Variants in TRERF1 observed in about 807,000 individuals in gnomAD.
TRERF1 encodes transcriptional-regulating factor 1.
Under a neutral mutation model 122.9 loss-of-function variants are expected in TRERF1, and 27 were observed. That is an observed-to-expected ratio of 0.22 (90% CI 0.16 to 0.30). The LOEUF (loss-of-function observed/expected upper bound fraction) is 0.30. Ranked by LOEUF, TRERF1 falls within the 10% of genes least tolerant of loss-of-function variation. TRERF1 has a pLI of 1.00. For missense variants in TRERF1, 1,248 were observed against 1,560.3 expected (o/e 0.80, Z 3.37); for synonymous variants, 636 against 641.7 (o/e 0.99, Z 0.13).
At chr6:42,367,300 G>A (rs1772924540) in intron 2 of TRERF1, among the ~76,000 whole-genome samples, 1 of 152,114 alleles carries the variant, frequency 6.6e-6, no homozygotes, top group South Asian at 2.1e-4. Flanking sequence ...CCAGCAAGAA[G>A]GTTTGCAAAG....
At chr6:42,375,982 T>C (rs1295743400) in intron 2 of TRERF1, among the ~76,000 whole-genome samples, 1 of 152,140 alleles carries the variant, frequency 6.6e-6, no homozygotes, top group African/African-American at 2.4e-5. Context: ...CCTGGCAGCC[T>C]CACAAGTCAC....
chr6:42,338,868 A>T (rs1259564750), intron 3 of TRERF1, among the ~76,000 whole-genome samples: 4 of 152,088 alleles, frequency 2.6e-5, no homozygotes, highest in Non-Finnish European at 5.9e-5. Flanking sequence ...GTGGTGACTC[A>T]ATGTATATTT....
At chr6:42,377,889 C>T (rs895090863) in intron 2 of TRERF1, among the ~76,000 whole-genome samples, 2 of 152,240 alleles carry the variant, frequency 1.3e-5, no homozygotes, top group Non-Finnish European at 2.9e-5. Context: ...GCTTTAGGAA[C>T]ATGCAGCCCG....
intron 3 of TRERF1, among the ~76,000 whole-genome samples, chr6:42,340,861 A>T (rs1767159015): frequency 6.6e-6 from 1 of 152,206 alleles, no homozygotes; most frequent in South Asian, 2.1e-4. Flanking sequence ...TCTCTGATGG[A>T]GGAAGTTTCT....
At chr6:42,360,851 C>T (rs926211029) in intron 3 of TRERF1, among the ~76,000 whole-genome samples, 6 of 149,672 alleles carry the variant, frequency 4.0e-5, no homozygotes, top group African/African-American at 1.5e-4. Context: ...ACCCACCCTG[C>T]AGTCCACCCT....
At chr6:42,227,568 T>A (rs1769716347) in exon 18 of TRERF1, 1 of 152,262 alleles carries the variant, frequency 6.6e-6, no homozygotes, top group South Asian at 2.1e-4. Context: ...CAGTTCATGC[T>A]GAAACACAGC....
At chr6:42,325,676 C>G (rs1452590310) in intron 3 of TRERF1, among the ~76,000 whole-genome samples, 1 of 152,178 alleles carries the variant, frequency 6.6e-6, no homozygotes, top group South Asian at 2.1e-4. Context: ...GAAATCAAGA[C>G]TAGGCTGGAG....
chr6:42,299,708 G>T (rs2150233964), intron 4 of TRERF1, among the ~76,000 whole-genome samples: 2 of 152,280 alleles, frequency 1.3e-5, no homozygotes, highest in Middle Eastern at 6.8e-3. Context: ...AAGTTGCAGA[G>T]ATAAAAATGT....
intron 2 of TRERF1, among the ~76,000 whole-genome samples, chr6:42,372,857 C>G (rs1041682191): frequency 2.6e-5 from 4 of 152,138 alleles, no homozygotes; most frequent in African/African-American, 9.7e-5. Context: ...GGGTGGGGCC[C>G]CACTACGGAG....
chr6:42,368,069 G>A (rs1342462781), intron 2 of TRERF1, among the ~76,000 whole-genome samples: 1 of 152,070 alleles, frequency 6.6e-6, no homozygotes, highest in Admixed American at 6.5e-5. Context: ...GGCAAATGTG[G>A]ACACAATCTG....
chr6:42,341,714 A>G (rs955626315), intron 3 of TRERF1, among the ~76,000 whole-genome samples: 1 of 152,178 alleles, frequency 6.6e-6, no homozygotes, highest in African/African-American at 2.4e-5. Context: ...CACAGCCTTT[A>G]CTTGCCAGTT....
At chr6:42,306,152 C>T (rs1582934934) in intron 3 of TRERF1, among the ~76,000 whole-genome samples, 1 of 152,030 alleles carries the variant, frequency 6.6e-6, no homozygotes, top group East Asian at 1.9e-4. Flanking sequence ...CAGGCATGCG[C>T]CACCATGCCC....
At chr6:42,320,601 C>T (rs897806113) in intron 3 of TRERF1, among the ~76,000 whole-genome samples, 6 of 149,102 alleles carry the variant, frequency 4.0e-5, no homozygotes, top group Non-Finnish European at 5.9e-5. Context: ...CTCCTCCTCC[C>T]AGGTTCAAGC....
chr6:42,356,435 CAAGG>C (rs1284310768), intron 3 of TRERF1, among the ~76,000 whole-genome samples: 1 of 152,186 alleles, frequency 6.6e-6, no homozygotes, highest in Non-Finnish European at 1.5e-5. Context: ...TCTGAGTGCA[CAAGG>C]AAGAGATCAG....
At position 42,317,011 on chromosome 6, in the gene TRERF1, C is replaced by G. The variant is rs1034043593; in HGVS notation, c.-370-16262G>C. 3.3e-5 allele frequency among the ~76,000 whole-genome samples: 5 copies of G among 152,320 alleles called. No individual in the cohort carries two copies. In the East Asian group the frequency reaches 9.7e-4, roughly 30 times the overall value. ...GGCAACCATCTGACTCTACCTGGAC[C>G]TGGGACTCATGACAACCTGTCCTGT... On this transcript the variant is annotated intron_variant, in intron 3 of 17. Coordinates refer to ENST00000372922, the Ensembl canonical transcript of TRERF1.
intron 2 of TRERF1, among the ~76,000 whole-genome samples, chr6:42,370,839 C>A (rs1773629404): frequency 6.6e-6 from 1 of 152,158 alleles, no homozygotes; most frequent in South Asian, 2.1e-4. Flanking sequence ...GAGGTCACCC[C>A]CTATCAGCTC....
chr6:42,400,108 T>C (rs1779175796), intron 2 of TRERF1, among the ~76,000 whole-genome samples: 4 of 152,228 alleles, frequency 2.6e-5, no homozygotes, highest in Admixed American at 2.6e-4. Flanking sequence ...AAAACCTGCT[T>C]TCACTGGATC....
chr6:42,292,604 G>A (rs1338481060), intron 4 of TRERF1, among the ~76,000 whole-genome samples: 5 of 152,174 alleles, frequency 3.3e-5, no homozygotes, highest in Non-Finnish European at 7.3e-5. Context: ...TGCAATTCAA[G>A]GGGTGCAAAA....
intron 8 of TRERF1, among the ~76,000 whole-genome samples, chr6:42,261,985 G>C (rs368876095): frequency 6.9e-5 from 10 of 145,896 alleles, no homozygotes; most frequent in Admixed American, 2.7e-4. Context: ...TTGAAGGGGT[G>C]GGGGGGGTGT....
Sources: gnomAD v4.1 joint callset for allele counts (sites outside exome capture counted in the v4.1 genomes callset) on GRCh38, gnomAD v4.1.1 for gene constraint, MANE v1.5 for transcripts, NCBI Gene and HGNC (gene_info 2026-07-23, HGNC 2026-07-21) for gene names.